Variants in DYNC1LI1 observed in about 807,000 individuals in gnomAD.
DYNC1LI1 encodes dynein cytoplasmic 1 light intermediate chain 1.
In DYNC1LI1, 19 loss-of-function variants were observed where a neutral mutation model predicts 63.8. The observed-to-expected ratio is 0.30, with a 90% CI of 0.21 to 0.44. The LOEUF is 0.44. Ranked by LOEUF, DYNC1LI1 falls within the 20% of genes least tolerant of loss-of-function variation. The pLI is 1.00. For missense variants in DYNC1LI1, 565 were observed against 630.2 expected, an observed-to-expected ratio of 0.90 and a Z score of 1.11; for synonymous variants, 225 against 232.3, an observed-to-expected ratio of 0.97 and a Z score of 0.28.
rs1163651734 is a variant in DYNC1LI1 at position 32,545,894 on chromosome 3, C to G, written c.292G>C (p.Gly98Arg). 1 of 1,613,114 alleles carries G rather than the reference C, an allele frequency of 6.2e-7. No individual in the cohort carries two copies. Among genetic ancestry groups the G allele is most frequent in the Non-Finnish European group, 8.5e-7 (1 of 1,179,306 alleles). Residue 98 changes from glycine (G) to arginine (R), a missense_variant, in exon 3 of 13, where the codon GGA (glycine) becomes CGA (arginine). Coordinates refer to ENST00000273130, the MANE Select transcript of DYNC1LI1 (RefSeq NM_016141.4). ...QGIEEYKKGR[G>R]LEYLYLNVHD... ...ACATTTAAGTACAAATATTCCAATC[C>G]TCTTCCTTTCTTATACTCCTCTATT... is the stretch of plus-strand genomic sequence containing the variant.
In DYNC1LI1 at chr3:32,533,877, C is replaced by CTT. The variant is rs57075516; in HGVS notation, c.968+632_968+633dup. Among the ~76,000 whole-genome samples, 281 of 130,442 alleles carry CTT rather than the reference C, an allele frequency of 2.2e-3. 3 individuals are homozygous for CTT. The highest frequency in any genetic ancestry group is 2.9e-3 in the South Asian group (12 of 4,092). The allele number at this position is 130,442 out of a possible 152,430, so 85.6% of individuals were successfully genotyped here. A position where few individuals can be genotyped will look rare whatever the true frequency, so the allele number is the denominator to read the frequency against. Reference sequence around the variant, plus strand: ...GCACCTGGACTATTCAGGTAACTTTCTTTTTTTTTTTTTTTTTGAAATGGA... The same window carrying CTT: ...GCACCTGGACTATTCAGGTAACTTTCTTTTTTTTTTTTTTTTTTTGAAATGGA... On this transcript the variant is annotated intron_variant, in intron 7 of 12. Coordinates refer to ENST00000273130, the MANE Select transcript of DYNC1LI1 (RefSeq NM_016141.4).
intron 6 of DYNC1LI1, among the ~76,000 whole-genome samples, chr3:32,535,595 T>C (rs760422009): frequency 6.6e-6 from 1 of 152,184 alleles, no homozygotes. Context: ...ACAAACATAA[T>C]CTTAGGCAAA....
chr3:32,544,542 G>T (rs1380114358), intron 4 of DYNC1LI1, among the ~76,000 whole-genome samples: 1 of 152,150 alleles, frequency 6.6e-6, no homozygotes, highest in Non-Finnish European at 1.5e-5. Flanking sequence ...GGCCGAGTGG[G>T]GTGGATCATG....
intron 2 of DYNC1LI1, among the ~76,000 whole-genome samples, chr3:32,547,378 A>G (rs1284306980): frequency 6.6e-6 from 1 of 152,236 alleles, no homozygotes; most frequent in African/African-American, 2.4e-5. Context: ...ATTTATAGAT[A>G]TAAAACTGGA....
At chr3:32,569,894 G>A (rs961487659) in intron 2 of DYNC1LI1, among the ~76,000 whole-genome samples, 2 of 152,194 alleles carry the variant, frequency 1.3e-5, no homozygotes, top group African/African-American at 2.4e-5. Flanking sequence ...AACATTTATC[G>A]CCAGGTCTTA....
At chr3:32,535,060 T>C (rs747395386) in intron 6 of DYNC1LI1, among the ~76,000 whole-genome samples, 15 of 152,210 alleles carry the variant, frequency 9.9e-5, no homozygotes, top group Non-Finnish European at 1.9e-4. Flanking sequence ...ACAGTGTCTC[T>C]TTGTAGTTTT....
intron 2 of DYNC1LI1, among the ~76,000 whole-genome samples, chr3:32,548,173 A>G (rs1198739896): frequency 6.6e-6 from 1 of 152,070 alleles, no homozygotes; most frequent in Admixed American, 6.5e-5. Flanking sequence ...GTACCAGTCT[A>G]TGGCCTGTCA....
intron 2 of DYNC1LI1, among the ~76,000 whole-genome samples, chr3:32,554,798 A>G (rs755190597): frequency 1.3e-5 from 2 of 151,778 alleles, no homozygotes; most frequent in African/African-American, 2.4e-5. Flanking sequence ...CAAAATTTCT[A>G]TCAACCACTC....
At chr3:32,568,406 T>C (rs1698297524) in intron 2 of DYNC1LI1, among the ~76,000 whole-genome samples, 1 of 152,182 alleles carries the variant, frequency 6.6e-6, no homozygotes, top group Admixed American at 6.5e-5. Context: ...CTTCCAAAGC[T>C]GAAAAGGACT....
At chr3:32,557,016 T>A (rs570618564) in intron 2 of DYNC1LI1, among the ~76,000 whole-genome samples, 3 of 152,188 alleles carry the variant, frequency 2.0e-5, no homozygotes, top group Admixed American at 6.5e-5. Context: ...TCATAATACA[T>A]TCCTCCTTCA....
intron 7 of DYNC1LI1, 61 bp downstream of exon 7, chr3:32,534,450 A>AT: frequency 8.0e-7 from 1 of 1,255,042 alleles, no homozygotes; most frequent in Non-Finnish European, 1.1e-6. Context: ...TGAAATAATG[A>AT]TTCACCATCA....
intron 2 of DYNC1LI1, among the ~76,000 whole-genome samples, chr3:32,564,130 G>C (rs1186024161): frequency 6.6e-6 from 1 of 152,150 alleles, no homozygotes; most frequent in Non-Finnish European, 1.5e-5. Flanking sequence ...GTAAATCCCT[G>C]TCTCTAGAAA....
At chr3:32,540,122 G>A (rs1307742930) in intron 5 of DYNC1LI1, among the ~76,000 whole-genome samples, 1 of 150,328 alleles carries the variant, frequency 6.7e-6, no homozygotes, top group East Asian at 2.0e-4. Flanking sequence ...ACCCGCCTCA[G>A]CCTCCCAAAG....
chr3:32,561,870 G>A (rs1332282027), intron 2 of DYNC1LI1, among the ~76,000 whole-genome samples: 4 of 149,362 alleles, frequency 2.7e-5, no homozygotes, highest in African/African-American at 4.9e-5. Context: ...AAAAAAACCC[G>A]TGTTACACGA....
Position 32,537,029 on chromosome 3 carries a change from G to T in DYNC1LI1, c.814C>A (p.Arg272=). The change falls in exon 6 of 13, where the codon CGG becomes AGG. Residue 272 remains arginine (R), a synonymous_variant. Transcript: ENST00000273130. Reference sequence around the variant, plus strand: ...AGGATACACTGTAAACAAAACTTCCGGATATGTGACTGAATAAAATCAAAA... The same window carrying T: ...AGGATACACTGTAAACAAAACTTCCTGATATGTGACTGAATAAAATCAAAA... ...EHFDFIQSHI[R]KFCLQYGAAL... 1 of 1,588,280 alleles carries T rather than the reference G, an allele frequency of 6.3e-7. No individual in the cohort carries two copies. The highest frequency in any genetic ancestry group is 1.8e-5 in the Admixed American group (1 of 56,378).
chr3:32,526,020 T>C lies in DYNC1LI1; in HGVS notation c.*779A>G, dbSNP rs1038918803. The C allele has an allele frequency of 2.6e-5, 4 of 152,474 alleles. No homozygotes were observed. Among genetic ancestry groups the C allele is most frequent in the Admixed American group, 2.0e-4 (3 of 15,266 alleles). The allele number at this position is 152,474 out of a possible 1,614,324, so 9.4% of individuals were successfully genotyped here. On this transcript the variant is annotated 3_prime_UTR_variant, in exon 13 of 13. Transcript: ENST00000273130. ...TAAATACTTTATTAACTGATTACAG[T>C]TGAAAGTCACAAACAAAAAAGGGGG... is the stretch of plus-strand genomic sequence containing the variant.
Position 32,533,376 on chromosome 3 carries a change from T to C in DYNC1LI1, c.969-279A>G, listed in dbSNP as rs1400561403. Among the ~76,000 whole-genome samples, 3 of 151,728 alleles carry C rather than the reference T, an allele frequency of 2.0e-5. No homozygotes were observed. The highest frequency in any genetic ancestry group is 1.9e-4 in the East Asian group (1 of 5,166). ...CCTGTAGTCCCAGCTACTTAGGAGGTTGAGACAGGAGAATCGCTTGAGCCT... is the reference window on the plus strand; with the variant it reads ...CCTGTAGTCCCAGCTACTTAGGAGGCTGAGACAGGAGAATCGCTTGAGCCT... On this transcript the variant is annotated intron_variant, in intron 7 of 12. Coordinates refer to ENST00000273130, the MANE Select transcript of DYNC1LI1 (RefSeq NM_016141.4).
At chr3:32,531,766 AATT>A (rs1199769706) in intron 8 of DYNC1LI1, 1 of 152,138 alleles carries the variant, frequency 6.6e-6, no homozygotes, top group Non-Finnish European at 1.5e-5. Flanking sequence ...GCTAAATAAA[AATT>A]ATTTTTTCTT....
At chr3:32,530,740 CAATATGG>C in intron 8 of DYNC1LI1, 3 of 483,046 alleles carry the variant, frequency 6.2e-6, no homozygotes, top group East Asian at 3.2e-5. Flanking sequence ...CTGTGCTGTT[CAATATGG>C]CAGTCACTAG....
Sources: gnomAD v4.1 joint callset for allele counts (sites outside exome capture counted in the v4.1 genomes callset) on GRCh38, gnomAD v4.1.1 for gene constraint, MANE v1.5 for transcripts, NCBI Gene and HGNC (gene_info 2026-07-23, HGNC 2026-07-21) for gene names.